Variants in EIF4G3 observed in about 807,000 individuals in gnomAD.
The protein encoded by EIF4G3 is eukaryotic translation initiation factor 4 gamma 3.
Under a neutral mutation model 186.4 loss-of-function variants are expected in EIF4G3, and 34 were observed. The observed-to-expected ratio is 0.18, with a 90% CI of 0.14 to 0.24. The LOEUF (loss-of-function observed/expected upper bound fraction) is 0.24, where lower values mean the gene tolerates loss of function less well. Ranked by LOEUF, EIF4G3 falls within the 10% of genes least tolerant of loss-of-function variation. EIF4G3 has a pLI of 1.00. For synonymous variants in EIF4G3, 673 were observed against 679.5 expected (o/e 0.99, Z 0.15); for missense variants, 1,536 against 1,948.5 (o/e 0.79, Z 3.99).
At chr1:20,952,105 C>G (rs186567784) in intron 12 of EIF4G3, among the ~76,000 whole-genome samples, 4 of 152,020 alleles carry the variant, frequency 2.6e-5, no homozygotes, top group Admixed American at 1.3e-4. Flanking sequence ...ATTTTATAAG[C>G]CTCCAACAGT....
intron 20 of EIF4G3, among the ~76,000 whole-genome samples, chr1:20,876,460 A>C (rs1270559121): frequency 1.3e-5 from 2 of 149,078 alleles, no homozygotes; most frequent in Non-Finnish European, 1.5e-5. Flanking sequence ...AAAAAAAAAA[A>C]CAAACTGAAA....
intron 7 of EIF4G3, among the ~76,000 whole-genome samples, chr1:20,995,566 T>C (rs185147698): frequency 2.6e-5 from 4 of 152,182 alleles, no homozygotes; most frequent in Non-Finnish European, 5.9e-5. Flanking sequence ...GAGACGGAAT[T>C]TCACCATGTT....
chr1:20,914,608 G>A (rs1367129483), intron 14 of EIF4G3, among the ~76,000 whole-genome samples: 1 of 152,174 alleles, frequency 6.6e-6, no homozygotes, highest in Non-Finnish European at 1.5e-5. Context: ...AATGTGTATT[G>A]TTTAAGCCAT....
At chr1:21,165,846 T>C (rs1305091772) in intron 2 of EIF4G3, among the ~76,000 whole-genome samples, 2 of 152,076 alleles carry the variant, frequency 1.3e-5, no homozygotes, top group Non-Finnish European at 2.9e-5. Context: ...GGATTACATC[T>C]CAATAAAGCT....
intron 29 of EIF4G3, among the ~76,000 whole-genome samples, chr1:20,846,235 AG>A (rs2070963630): frequency 6.6e-6 from 1 of 152,182 alleles, no homozygotes; most frequent in African/African-American, 2.4e-5. Flanking sequence ...ATCTGCAAAC[AG>A]GGAGAGTTTG....
At chr1:20,971,928 C>T (rs758416959) in intron 11 of EIF4G3, among the ~76,000 whole-genome samples, 2 of 152,088 alleles carry the variant, frequency 1.3e-5, no homozygotes, top group African/African-American at 2.4e-5. Context: ...CCACTGTACC[C>T]GGCCTGAACC....
At chr1:20,956,064 AAT>A (rs1300498029) in intron 12 of EIF4G3, among the ~76,000 whole-genome samples, 17 of 152,228 alleles carry the variant, frequency 1.1e-4, no homozygotes, top group African/African-American at 4.1e-4. Context: ...CCATAGCAAT[AAT>A]ATAATGGTAA....
At chr1:20,843,284 G>C (rs2069387671) in intron 29 of EIF4G3, among the ~76,000 whole-genome samples, 1 of 152,062 alleles carries the variant, frequency 6.6e-6, no homozygotes, top group Non-Finnish European at 1.5e-5. Context: ...GGGAGGCCAA[G>C]GCGGGCAGAT....
chr1:20,979,799 T>A (rs2077585839), intron 10 of EIF4G3, among the ~76,000 whole-genome samples: 1 of 151,348 alleles, frequency 6.6e-6, no homozygotes, highest in Non-Finnish European at 1.5e-5. Context: ...TCACCCAGGC[T>A]GAGTGCAGTG....
intron 2 of EIF4G3, among the ~76,000 whole-genome samples, chr1:21,114,425 G>A (rs978925367): frequency 2.6e-5 from 4 of 152,206 alleles, no homozygotes; most frequent in South Asian, 2.1e-4. Flanking sequence ...CACCGTGCCC[G>A]GCCCTTGAAA....
At chr1:21,168,956 T>C (rs2097908260) in intron 2 of EIF4G3, among the ~76,000 whole-genome samples, 1 of 152,048 alleles carries the variant, frequency 6.6e-6, no homozygotes, top group African/African-American at 2.4e-5. Context: ...GGTGAGCAGG[T>C]GGCTTGAGCC....
At chr1:20,847,074 T>G (rs1314209089) in intron 29 of EIF4G3, among the ~76,000 whole-genome samples, 1 of 152,210 alleles carries the variant, frequency 6.6e-6, no homozygotes, top group Non-Finnish European at 1.5e-5. Flanking sequence ...CCTCTGAAGC[T>G]AGAAACTTAG....
At chr1:21,076,306 T>C (rs2095585880) in intron 3 of EIF4G3, among the ~76,000 whole-genome samples, 1 of 151,788 alleles carries the variant, frequency 6.6e-6, no homozygotes, top group Admixed American at 6.6e-5. Flanking sequence ...TAAATGACAG[T>C]AGAAACACAA....
intron 20 of EIF4G3, among the ~76,000 whole-genome samples, chr1:20,874,894 A>G (rs372618407): frequency 6.6e-6 from 1 of 152,138 alleles, no homozygotes; most frequent in Non-Finnish European, 1.5e-5. Flanking sequence ...CTATGTTTCT[A>G]TGTTCACTGT....
At chr1:20,815,619 G>A (rs868621433) in intron 34 of EIF4G3, among the ~76,000 whole-genome samples, 7 of 151,396 alleles carry the variant, frequency 4.6e-5, no homozygotes, top group East Asian at 3.9e-4. Context: ...GAGCCTCTCC[G>A]CCCGGCAGCC....
chr1:20,836,539 G>C (rs538341412), intron 30 of EIF4G3, among the ~76,000 whole-genome samples: 3 of 152,294 alleles, frequency 2.0e-5, no homozygotes, highest in African/African-American at 7.2e-5. Context: ...GAATCACTGT[G>C]TCCAGCCTAC....
In EIF4G3 at chr1:21,155,262, CAAAAAAAAAA is replaced by C. The variant is rs34182850; in HGVS notation, c.-272+20903_-272+20912del. Among the ~76,000 whole-genome samples, 5 of 43,320 alleles carry C rather than the reference CAAAAAAAAAA, an allele frequency of 1.2e-4. No homozygotes were observed. The East Asian group carries it at 2.4e-3, about 20-fold the overall frequency. The allele number at this position is 43,320 out of a possible 152,430, so 28.4% of individuals were successfully genotyped here. A position where few individuals can be genotyped will look rare whatever the true frequency, so the allele number is the denominator to read the frequency against. Reference sequence around the variant, plus strand: ...TGGGAGACAGTGCGAGACTCTGTCTCAAAAAAAAAAAAAAAAAAAAAAAAGAAAGAAAGAA... The same window carrying C: ...TGGGAGACAGTGCGAGACTCTGTCTCAAAAAAAAAAAAAAGAAAGAAAGAA... On this transcript the variant is annotated intron_variant, in intron 2 of 36. Coordinates refer to ENST00000602326, the MANE Select transcript of EIF4G3 (RefSeq NM_001391906.1).
At chr1:21,161,244 C>T (rs992284472) in intron 2 of EIF4G3, among the ~76,000 whole-genome samples, 1 of 152,168 alleles carries the variant, frequency 6.6e-6, no homozygotes, top group South Asian at 2.1e-4. Flanking sequence ...TGGCTCATGC[C>T]TGTAATCCCA....
Position 21,176,267 on chromosome 1 carries a change from TGCTGCCGCCGCC to T in EIF4G3, c.-376_-365del, listed in dbSNP as rs2103130380. On this transcript the variant is annotated 5_prime_UTR_variant, in exon 2 of 37. Transcript: ENST00000602326. Reference sequence around the variant, plus strand: ...CCGCCGCCGCCGCCGCCGCCGCCGCTGCTGCCGCCGCCGGGTGAGGAGGCGGTACCGCTGCTG... The same window carrying T: ...CCGCCGCCGCCGCCGCCGCCGCCGCTGGGTGAGGAGGCGGTACCGCTGCTG... The T allele has an allele frequency of 6.7e-6, 2 of 297,096 alleles. No individual in the cohort carries two copies. Among genetic ancestry groups the T allele is most frequent in the East Asian group, 1.3e-4 (2 of 14,990 alleles). The allele number at this position is 297,096 out of a possible 1,614,324, so 18.4% of individuals were successfully genotyped here. A position where few individuals can be genotyped will look rare whatever the true frequency, so the allele number is the denominator to read the frequency against.
Sources: allele counts gnomAD v4.1 joint callset (sites outside exome capture counted in the v4.1 genomes callset), GRCh38; gene constraint gnomAD v4.1.1; transcripts MANE v1.5; gene names NCBI Gene and HGNC (gene_info 2026-07-23, HGNC 2026-07-21).